SUGCT: variants seen among roughly 807,000 people sequenced by gnomAD.
The protein encoded by SUGCT is succinyl-CoA:glutarate-CoA transferase.
A neutral mutation model predicts 55.0 loss-of-function variants in SUGCT; 41 were observed. The ratio of observed to expected loss-of-function variants is 0.74; its 90% CI spans 0.58 to 0.97. The LOEUF is 0.97. Among genes scored for constraint, SUGCT ranks in the 50% least tolerant of loss-of-function variants. The probability of loss-of-function intolerance (pLI) is 0.00; values close to 1 mark genes in which losing one functional copy is unlikely to be tolerated. For missense variants in SUGCT, 568 were observed against 547.8 expected (o/e 1.04, Z -0.37); for synonymous variants, 187 against 200.4 (o/e 0.93, Z 0.56).
chr7:40,892,031 A>T, the SUGCT span, among the ~76,000 whole-genome samples: 1 of 152,148 alleles, frequency 6.6e-6, no homozygotes, highest in African/African-American at 2.4e-5. Context: ...AATATATAAA[A>T]TTCACCATAA....
chr7:40,618,167 A>G (rs985281640), intron 12 of SUGCT, among the ~76,000 whole-genome samples: 1 of 152,098 alleles, frequency 6.6e-6, no homozygotes, highest in African/African-American at 2.4e-5. Flanking sequence ...GATCCTCTCA[A>G]TTCTTATTTT....
Position 40,613,613 on chromosome 7 carries a change from A to AG in SUGCT, c.1089+117227_1089+117228insG, listed in dbSNP as rs1332502316. Among the ~76,000 whole-genome samples, 428 of 148,574 alleles carry AG rather than the reference A, an allele frequency of 2.9e-3. 2 individuals carry two copies. The highest frequency in any genetic ancestry group is 9.7e-3 in the African/African-American group (393 of 40,470). On this transcript the variant is annotated intron_variant, in intron 12 of 13. Coordinates refer to ENST00000335693, the MANE Select transcript of SUGCT (RefSeq NM_001193313.2). ...TCCTTCCCAGTCTTATCCTGCACCC[A>AG]ATTTTTTTTTTTTTTGAGATGGAGT...
At chr7:40,310,449 G>A (rs1212299058) in intron 8 of SUGCT, among the ~76,000 whole-genome samples, 2 of 152,134 alleles carry the variant, frequency 1.3e-5, no homozygotes, top group Non-Finnish European at 2.9e-5. Flanking sequence ...TCTTGGAATA[G>A]AAAAAGGATA....
rs910079612 is a variant in SUGCT at position 40,738,929 on chromosome 7, T to G, written c.1090-10505T>G. 1.3e-5 allele frequency among the ~76,000 whole-genome samples: 2 copies of G among 152,162 alleles called. 1 individual carries two copies. The highest frequency in any genetic ancestry group is 6.3e-3 in the Middle Eastern group (2 of 316). On this transcript the variant is annotated intron_variant, in intron 12 of 13. Transcript: ENST00000335693. ...AAATTAGGAACAAGATAAAAATGTTTTCTACTAAAACTCTATTCATCAATA... is the reference window on the plus strand; with the variant it reads ...AAATTAGGAACAAGATAAAAATGTTGTCTACTAAAACTCTATTCATCAATA...
At chr7:40,987,620 C>T in the SUGCT span, among the ~76,000 whole-genome samples, 1 of 152,228 alleles carries the variant, frequency 6.6e-6, no homozygotes, top group East Asian at 1.9e-4. Flanking sequence ...TTGTGAAAAA[C>T]ATCTGGGTTT....
chr7:40,508,185 A>AGTG (rs929982518), intron 12 of SUGCT, among the ~76,000 whole-genome samples: 19 of 152,162 alleles, frequency 1.2e-4, no homozygotes, highest in African/African-American at 4.6e-4. Context: ...GAGAACTAGA[A>AGTG]GTGGTGGTGG....
At chr7:40,289,741 T>A (rs1793610646) in intron 8 of SUGCT, among the ~76,000 whole-genome samples, 1 of 152,144 alleles carries the variant, frequency 6.6e-6, no homozygotes, top group African/African-American at 2.4e-5. Flanking sequence ...GACATGATTG[T>A]ATATCTAGAA....
At chr7:40,804,664 A>G (rs182194162) in intron 13 of SUGCT, among the ~76,000 whole-genome samples, 243 of 152,334 alleles carry the variant, frequency 1.6e-3, no homozygotes, top group Middle Eastern at 6.8e-3. Context: ...AAAACATGAT[A>G]AGGTACTCAG....
At chr7:40,547,712 AG>A (rs1795068754) in intron 12 of SUGCT, among the ~76,000 whole-genome samples, 1 of 152,220 alleles carries the variant, frequency 6.6e-6, no homozygotes, top group Non-Finnish European at 1.5e-5. Context: ...TTCTCTTTAT[AG>A]CTTTTTAAAA....
At chr7:40,141,462 G>A (rs753811864) in intron 1 of SUGCT, among the ~76,000 whole-genome samples, 4 of 151,774 alleles carry the variant, frequency 2.6e-5, no homozygotes, top group Non-Finnish European at 4.4e-5. Context: ...GTGAAACCCC[G>A]TCTCTAGTAA....
chr7:40,775,140 T>C (rs1433293387), intron 13 of SUGCT, among the ~76,000 whole-genome samples: 1 of 152,116 alleles, frequency 6.6e-6, no homozygotes, highest in African/African-American at 2.4e-5. Context: ...TCAGAGTTGC[T>C]TGAACATCTC....
intron 12 of SUGCT, among the ~76,000 whole-genome samples, chr7:40,703,017 A>T (rs1785232940): frequency 6.6e-6 from 1 of 151,626 alleles, no homozygotes; most frequent in Non-Finnish European, 1.5e-5. Flanking sequence ...GACTGTTATA[A>T]CAGGAGAAAT....
At position 40,296,075 on chromosome 7, in the gene SUGCT, G is replaced by A. The variant is rs143167645; in HGVS notation, c.721-20685G>A. ...TGATGATAATATATCCTTGTTGGGC[G>A]ACTGAGATGCTGTTAATAGTTTGGA... On this transcript the variant is annotated intron_variant, in intron 8 of 13. Coordinates refer to ENST00000335693, the MANE Select transcript of SUGCT (RefSeq NM_001193313.2). Among the ~76,000 whole-genome samples the A allele has an allele frequency of 3.3e-5, 5 of 152,274 alleles. No individual in the cohort carries two copies. In the East Asian group the frequency reaches 7.7e-4, roughly 23 times the overall value.
the SUGCT span, among the ~76,000 whole-genome samples, chr7:41,011,807 A>G: frequency 6.6e-6 from 1 of 152,220 alleles, no homozygotes; most frequent in Non-Finnish European, 1.5e-5. Context: ...CTTGATTCAC[A>G]GGTATACATT....
At chr7:40,352,556 T>C (rs983088801) in intron 9 of SUGCT, among the ~76,000 whole-genome samples, 1 of 152,138 alleles carries the variant, frequency 6.6e-6, no homozygotes, top group Non-Finnish European at 1.5e-5. Flanking sequence ...AGTAAGAACA[T>C]GGCGGTGTTT....
At chr7:40,668,557 C>T (rs531467832) in intron 12 of SUGCT, among the ~76,000 whole-genome samples, 14 of 151,956 alleles carry the variant, frequency 9.2e-5, no homozygotes, top group East Asian at 5.8e-4. Context: ...TAAGTAAAAA[C>T]GAAAACTCTA....
At chr7:40,179,269 T>G (rs1322415211) in intron 1 of SUGCT, among the ~76,000 whole-genome samples, 1 of 152,092 alleles carries the variant, frequency 6.6e-6, no homozygotes, top group African/African-American at 2.4e-5. Flanking sequence ...TTTCTCAAAG[T>G]TCTGTGGGTT....
chr7:40,255,043 A>G (rs1021530176), intron 7 of SUGCT, among the ~76,000 whole-genome samples: 2 of 151,332 alleles, frequency 1.3e-5, no homozygotes, highest in African/African-American at 4.8e-5. Flanking sequence ...CCTGGCCAAC[A>G]TGGAGAAACC....
intron 12 of SUGCT, among the ~76,000 whole-genome samples, chr7:40,628,843 C>A (rs996160479): frequency 6.6e-6 from 1 of 151,968 alleles, no homozygotes; most frequent in Admixed American, 6.6e-5. Context: ...CGTGTTCAAG[C>A]GATTTTCCTG....
Sources: allele counts gnomAD v4.1 joint callset (sites outside exome capture counted in the v4.1 genomes callset), GRCh38; gene constraint gnomAD v4.1.1; transcripts MANE v1.5; gene names NCBI Gene and HGNC (gene_info 2026-07-23, HGNC 2026-07-21).